Variants in ZBTB5 observed in about 807,000 individuals in gnomAD.
The protein encoded by ZBTB5 is zinc finger and BTB domain-containing protein 5.
Under a neutral mutation model 37.9 loss-of-function variants are expected in ZBTB5, and 15 were observed. The ratio of observed to expected loss-of-function variants is 0.40; its 90% CI spans 0.26 to 0.61. The LOEUF (loss-of-function observed/expected upper bound fraction) is 0.61. Among genes scored for constraint, ZBTB5 ranks in the 20% least tolerant of loss-of-function variants. The pLI, the probability that ZBTB5 is intolerant of heterozygous loss-of-function variation, is 0.47. For synonymous variants in ZBTB5, 315 were observed against 312.4 expected (o/e 1.01, Z -0.09); for missense variants, 708 against 856.8 (o/e 0.83, Z 2.17).
chr9:37,447,549 G>C (rs891992492), intron 1 of ZBTB5, among the ~76,000 whole-genome samples: 1 of 152,070 alleles, frequency 6.6e-6, no homozygotes, highest in Non-Finnish European at 1.5e-5. Context: ...CTGCAGCTTT[G>C]AACTCCTGGC....
Position 37,442,348 on chromosome 9 carries a change from A to C in ZBTB5, c.204T>G (p.Asp68Glu). ...AGGCCTCTGCTGTCACCACCTCGCT[A>C]TCCAGCTGGATCATGTTCATGGTCT... ...GDQTMNMIQL[D>E]SEVVTAEAFA... Residue 68 changes from aspartate to glutamate, a missense_variant, in exon 2 of 2, where the codon GAT (aspartate) becomes GAG (glutamate). By Grantham distance (45) the Asp-to-Glu change is conservative. This residue lies in a region of ZBTB5 where 639 missense variants were observed against 690.5 expected (regional missense o/e 0.93). Coordinates refer to ENST00000307750, the MANE Select transcript of ZBTB5 (RefSeq NM_014872.3). 2 of 1,614,184 alleles carry C rather than the reference A, an allele frequency of 1.2e-6. No individual in the cohort carries two copies. Among genetic ancestry groups the C allele is most frequent in the Non-Finnish European group, 1.7e-6 (2 of 1,180,016 alleles).
intron 1 of ZBTB5, among the ~76,000 whole-genome samples, chr9:37,453,011 T>C (rs1824129083): frequency 6.6e-6 from 1 of 152,202 alleles, no homozygotes; most frequent in Admixed American, 6.5e-5. Flanking sequence ...AAAAATAAAG[T>C]AACATGTAAC....
intron 1 of ZBTB5, among the ~76,000 whole-genome samples, chr9:37,450,510 A>G (rs1824083534): frequency 6.6e-6 from 1 of 152,212 alleles, no homozygotes; most frequent in African/African-American, 2.4e-5. Flanking sequence ...TACAAGGAGA[A>G]ATTAACAAAT....
In ZBTB5 at chr9:37,439,516, A is replaced by G. The variant is rs1452864232; in HGVS notation, c.*1002T>C. ...GGCATTTTTGGTTAATCTGTCGTCG[A>G]AAACGGTAATCTAAACCTGGGAGAG... On this transcript the variant is annotated 3_prime_UTR_variant, in exon 2 of 2. Coordinates refer to ENST00000307750, the MANE Select transcript of ZBTB5 (RefSeq NM_014872.3). 1 of 152,248 alleles carries G rather than the reference A, an allele frequency of 6.6e-6. No homozygotes were observed. The highest frequency in any genetic ancestry group is 1.5e-5 in the Non-Finnish European group (1 of 68,048). 9.4% of individuals were successfully genotyped at this position (152,248 alleles called of 1,614,324 possible). A position where few individuals can be genotyped will look rare whatever the true frequency, so the allele number is the denominator to read the frequency against.
At chr9:37,459,138 T>G (rs1420444734) in intron 1 of ZBTB5, among the ~76,000 whole-genome samples, 1 of 152,142 alleles carries the variant, frequency 6.6e-6, no homozygotes, top group Non-Finnish European at 1.5e-5. Flanking sequence ...AAACTACATA[T>G]TAAAGAGATT....
chr9:37,458,235 T>C (rs886260623), intron 1 of ZBTB5, among the ~76,000 whole-genome samples: 18 of 152,200 alleles, frequency 1.2e-4, no homozygotes, highest in Non-Finnish European at 4.4e-5. Flanking sequence ...ACTAACCAAA[T>C]GCTCACTCCA....
intron 1 of ZBTB5, among the ~76,000 whole-genome samples, chr9:37,458,544 AATAAG>A (rs1374170700): frequency 2.6e-5 from 4 of 152,254 alleles, no homozygotes; most frequent in African/African-American, 7.2e-5. Flanking sequence ...TGTTATTTTA[AATAAG>A]ATAACTTAGT....
At chr9:37,455,251 T>C (rs1564313362) in intron 1 of ZBTB5, among the ~76,000 whole-genome samples, 1 of 152,044 alleles carries the variant, frequency 6.6e-6, no homozygotes, top group Non-Finnish European at 1.5e-5. Context: ...TCAAGAGCCA[T>C]TCAGCTGGGG....
chr9:37,440,954 G>A lies in ZBTB5; in HGVS notation c.1598C>T (p.Pro533Leu). The A allele has an allele frequency of 6.2e-7, 1 of 1,614,234 alleles. No individual in the cohort carries two copies. The part of the protein sequence containing the change: ...GSPRGGASNF[P>L]YYRRIAPKMP... ...TTTGGGAGCTATGCGGCGGTAGTAA[G>A]GAAAGTTACTGGCTCCTCCCCTTGG... Residue 533 changes from proline to leucine, a missense_variant, in exon 2 of 2, where the codon CCT (proline) becomes CTT (leucine). Physicochemically the swap from Pro to Leu is moderately conservative, Grantham distance 98. This residue lies in a region of ZBTB5 where 639 missense variants were observed against 690.5 expected (regional missense o/e 0.93). Transcript: ENST00000307750.
In ZBTB5 at chr9:37,441,638, G is replaced by C; in HGVS notation, c.914C>G (p.Pro305Arg). 1.9e-6 allele frequency: 3 copies of C among 1,613,558 alleles called. No homozygotes were observed. The highest frequency in any genetic ancestry group is 2.5e-6 in the Non-Finnish European group (3 of 1,179,970). ...VETSFDQEAA[P>R]EKSSFQCENP... ...TTCACACTGAAAACTACTTTTCTCA[G>C]GTGCAGCTTCCTGATCAAAACTAGT... is the stretch of plus-strand genomic sequence containing the variant. Residue 305 changes from proline to arginine, a missense_variant, in exon 2 of 2, where the codon CCT becomes CGT. By Grantham distance (103) the Pro-to-Arg change is moderately radical (BLOSUM62 -2). Around this residue, in one of 3 missense-constraint regions of ZBTB5, gnomAD observed 639 missense variants for 690.5 expected, o/e 0.93. Coordinates refer to ENST00000307750, the MANE Select transcript of ZBTB5 (RefSeq NM_014872.3).
At chr9:37,455,742 TAA>T (rs1371788233) in intron 1 of ZBTB5, among the ~76,000 whole-genome samples, 9 of 151,956 alleles carry the variant, frequency 5.9e-5, no homozygotes, top group South Asian at 2.1e-4. Context: ...AGCAGAAAAA[TAA>T]CTAGACAGAA....
intron 1 of ZBTB5, among the ~76,000 whole-genome samples, chr9:37,459,311 T>G (rs1476322306): frequency 6.6e-6 from 1 of 151,724 alleles, no homozygotes; most frequent in Non-Finnish European, 1.5e-5. Flanking sequence ...ATACAAAAAA[T>G]TGGTGGGGCG....
intron 1 of ZBTB5, among the ~76,000 whole-genome samples, chr9:37,464,704 A>G (rs1564315912): frequency 6.6e-6 from 1 of 152,222 alleles, no homozygotes; most frequent in Non-Finnish European, 1.5e-5. Flanking sequence ...TAAACACTTC[A>G]GTCCTCTCAT....
chr9:37,458,801 T>C (rs1329445340), intron 1 of ZBTB5, among the ~76,000 whole-genome samples: 1 of 152,224 alleles, frequency 6.6e-6, no homozygotes, highest in African/African-American at 2.4e-5. Flanking sequence ...GTAACAATAA[T>C]GCTATAAAAC....
At chr9:37,463,416 T>TA (rs910042087) in intron 1 of ZBTB5, among the ~76,000 whole-genome samples, 22 of 151,444 alleles carry the variant, frequency 1.5e-4, no homozygotes, top group South Asian at 6.3e-4. Context: ...TAATTTACAT[T>TA]AAAAAAAAAG....
Position 37,441,220 on chromosome 9 carries a change from G to T in ZBTB5, c.1332C>A (p.Ala444=), listed in dbSNP as rs770740223. ...CAGCCTCTGGACTCAACAAATAGGG[G>T]GCCTCACTCTCCAGCCTGCAGTCAC... The part of the protein sequence containing the change: ...TTSDCRLESE[A]PYLLSPEAGP... Residue 444 remains alanine, a synonymous_variant, in exon 2 of 2, where the codon GCC becomes GCA. Coordinates refer to ENST00000307750, the MANE Select transcript of ZBTB5 (RefSeq NM_014872.3). The T allele has an allele frequency of 6.2e-7, 1 of 1,614,026 alleles. No homozygotes were observed. Among genetic ancestry groups the T allele is most frequent in the South Asian group, 1.1e-5 (1 of 91,064 alleles).
intron 1 of ZBTB5, among the ~76,000 whole-genome samples, chr9:37,445,820 G>C (rs1291167220): frequency 6.6e-6 from 1 of 152,132 alleles, no homozygotes; most frequent in Non-Finnish European, 1.5e-5. Flanking sequence ...GGAACTATAG[G>C]CTGGGTGTGG....
In ZBTB5 at chr9:37,442,155, C is replaced by A; in HGVS notation, c.397G>T (p.Val133Phe). ...TLPMSPPSER[V>F]QEQSARMQRS... ...TGCATGCGGGCGCTCTGCTCCTGAA[C>A]GCGCTCACTGGGGGGAGACATGGGC... is the stretch of plus-strand genomic sequence containing the variant. Residue 133 changes from valine to phenylalanine, a missense_variant, in exon 2 of 2, where the codon GTT becomes TTT. Physicochemically the swap from Val to Phe is conservative, Grantham distance 50 (BLOSUM62 -1). Transcript: ENST00000307750. 6.2e-7 allele frequency: 1 copy of A among 1,614,226 alleles called. No homozygotes were observed. Among genetic ancestry groups the A allele is most frequent in the Non-Finnish European group, 8.5e-7 (1 of 1,180,044 alleles).
intron 1 of ZBTB5, among the ~76,000 whole-genome samples, chr9:37,444,978 T>C (rs1263593587): frequency 6.6e-6 from 1 of 151,708 alleles, no homozygotes; most frequent in East Asian, 1.9e-4. Context: ...AAAAAAGGAA[T>C]GGATAGATAA....
Sources: allele counts gnomAD v4.1 joint callset (sites outside exome capture counted in the v4.1 genomes callset), GRCh38; gene constraint gnomAD v4.1.1; regional missense constraint gnomAD v4.1.1; transcripts MANE v1.5; gene names NCBI Gene and HGNC (gene_info 2026-07-23, HGNC 2026-07-21).